The following DLGAP1 variants were observed in gnomAD, a reference collection of about 807,000 sequenced individuals.
DLGAP1 encodes DLG associated protein 1.
DLGAP1 carries 11 observed loss-of-function variants against 90.8 expected under a neutral mutation model. The observed-to-expected ratio is 0.12, with a 90% confidence interval of 0.08 to 0.20. The LOEUF (loss-of-function observed/expected upper bound fraction) is 0.20, where lower values mean the gene tolerates loss of function less well. Ranked by LOEUF, DLGAP1 falls within the 10% of genes least tolerant of loss-of-function variation. The pLI is 1.00. For synonymous variants in DLGAP1, 558 were observed against 540.7 expected, an observed-to-expected ratio of 1.03 and a Z score of -0.44; for missense variants, 1,050 against 1,333.8, an observed-to-expected ratio of 0.79 and a Z score of 3.31.
intron 6 of DLGAP1, among the ~76,000 whole-genome samples, chr18:3,733,383 G>A (rs74718854): frequency 0.076 from 11,497 of 152,152 alleles, 1,341 homozygotes; most frequent in African/African-American, 0.25. Context: ...TGAATTTTGA[G>A]TTTAGATCTT....
chr18:4,324,329 C>A (rs1349720280), intron 1 of DLGAP1, among the ~76,000 whole-genome samples: 2 of 150,522 alleles, frequency 1.3e-5, no homozygotes, highest in Admixed American at 6.7e-5. Flanking sequence ...AAAATTGAAT[C>A]CTTGAATAGA....
At chr18:4,148,779 T>C (rs984403719) in intron 2 of DLGAP1, among the ~76,000 whole-genome samples, 3 of 66,774 alleles carry the variant, frequency 4.5e-5, no homozygotes, top group Non-Finnish European at 7.6e-5. Context: ...TAAATGTTTG[T>C]TGTTGTCTGT....
intron 2 of DLGAP1, among the ~76,000 whole-genome samples, chr18:4,014,274 C>T (rs1306760053): frequency 2.6e-5 from 4 of 151,908 alleles, no homozygotes; most frequent in Non-Finnish European, 4.4e-5. Context: ...TTAGTAGAGA[C>T]GGGGTTTCAC....
chr18:3,701,094 T>C (rs1343586586), intron 7 of DLGAP1, among the ~76,000 whole-genome samples: 2 of 152,110 alleles, frequency 1.3e-5, no homozygotes, highest in African/African-American at 2.4e-5. Context: ...TTACCCAGGC[T>C]GGTCTTGAAT....
intron 7 of DLGAP1, among the ~76,000 whole-genome samples, chr18:3,696,444 A>T (rs1304481687): frequency 6.6e-6 from 1 of 152,198 alleles, no homozygotes; most frequent in East Asian, 1.9e-4. Flanking sequence ...TTCTGCATCT[A>T]TTGAAATAAT....
At position 3,879,946 on chromosome 18, in the gene DLGAP1, G is replaced by A. The variant is rs769028983; in HGVS notation, c.123C>T (p.Pro41=). 1.7e-5 allele frequency: 28 copies of A among 1,611,896 alleles called. No individual in the cohort carries two copies. Among genetic ancestry groups the A allele is most frequent in the African/African-American group, 4.0e-5 (3 of 74,610 alleles). Residue 41 remains proline (P), a synonymous_variant, in exon 4 of 13, where the codon CCC becomes CCT. Transcript: ENST00000315677. This position sits in a 1 kb window ranked among gnomAD's most constrained non-coding sequence, Gnocchi z 6.6. ...GCTGGGTGTAGTATGGGTGGTCTGCGGGGTGGTGCTCCACTGGGCTCAGCA... is the reference window on the plus strand; with the variant it reads ...GCTGGGTGTAGTATGGGTGGTCTGCAGGGTGGTGCTCCACTGGGCTCAGCA... The part of the protein sequence containing the change: ...PYLLSPVEHH[P]ADHPYYTQRN...
chr18:4,181,396 TC>T (rs2077205025), intron 1 of DLGAP1, among the ~76,000 whole-genome samples: 1 of 152,138 alleles, frequency 6.6e-6, no homozygotes, highest in Admixed American at 6.6e-5. Context: ...ACAAACCGAA[TC>T]CAACTGCTAC....
chr18:3,583,750 C>T (rs2055710479), intron 7 of DLGAP1, among the ~76,000 whole-genome samples: 2 of 152,098 alleles, frequency 1.3e-5, no homozygotes, highest in Non-Finnish European at 2.9e-5. Flanking sequence ...GAGTTTGAGA[C>T]GAGCCTGGTC....
intron 2 of DLGAP1, among the ~76,000 whole-genome samples, chr18:4,072,173 TCTATGTTTTTCTGAAGA>T (rs2075457138): frequency 6.6e-6 from 1 of 151,946 alleles, no homozygotes; most frequent in Non-Finnish European, 1.5e-5. Context: ...AAACTTGGAG[TCTATGTTTTTCTGAAGA>T]CTTTCTCTTA....
At chr18:4,018,398 G>A (rs937139902) in intron 2 of DLGAP1, among the ~76,000 whole-genome samples, 6 of 152,250 alleles carry the variant, frequency 3.9e-5, no homozygotes, top group African/African-American at 1.2e-4. Flanking sequence ...GACCTCGTGT[G>A]AGGCAGCTCC....
chr18:3,605,781 T>C (rs1472760947), intron 7 of DLGAP1, among the ~76,000 whole-genome samples: 2 of 152,062 alleles, frequency 1.3e-5, no homozygotes, highest in African/African-American at 4.8e-5. Context: ...TCCAGAGAGG[T>C]TAAGTGACTT....
intron 1 of DLGAP1, among the ~76,000 whole-genome samples, chr18:4,336,266 C>T (rs2081065802): frequency 6.6e-6 from 1 of 152,140 alleles, no homozygotes; most frequent in South Asian, 2.1e-4. Flanking sequence ...CCAGGTTGAC[C>T]AATCATATTA....
intron 2 of DLGAP1, among the ~76,000 whole-genome samples, chr18:4,019,171 A>C (rs1267627256): frequency 6.6e-6 from 1 of 152,180 alleles, no homozygotes. Flanking sequence ...GTGTCTGGGC[A>C]TGCTCATCTT....
At chr18:3,613,928 CTT>C (rs879925249) in intron 7 of DLGAP1, among the ~76,000 whole-genome samples, 1 of 146,488 alleles carries the variant, frequency 6.8e-6, no homozygotes. Context: ...ACAGTTGTTA[CTT>C]TTTTTTTTTT....
At chr18:4,229,697 A>G (rs1196587387) in intron 1 of DLGAP1, among the ~76,000 whole-genome samples, 2 of 152,064 alleles carry the variant, frequency 1.3e-5, no homozygotes, top group African/African-American at 4.8e-5. Context: ...CTTAAATCTA[A>G]GTCATCATAT....
chr18:4,299,085 CAAAAAAAAAAAAA>C (rs35327176), intron 1 of DLGAP1, among the ~76,000 whole-genome samples: 2 of 76,336 alleles, frequency 2.6e-5, no homozygotes, highest in Admixed American at 1.6e-4. Flanking sequence ...TGTCTCAAGA[CAAAAAAAAAAAAA>C]AAAAAAAAAA....
Position 3,742,504 on chromosome 18 carries a change from T to C in DLGAP1, c.1181A>G (p.Asn394Ser), listed in dbSNP as rs377244533. 5.3e-5 allele frequency: 86 copies of C among 1,614,006 alleles called. 1 individual carries two copies. The highest frequency in any genetic ancestry group is 2.8e-4 in the Admixed American group (17 of 59,992). ...GATCTGGAGTTTGGGTGAGTGTTCATTGGAGATTCTGGAAGGGAACAATGG... is the reference window on the plus strand; with the variant it reads ...GATCTGGAGTTTGGGTGAGTGTTCACTGGAGATTCTGGAAGGGAACAATGG... The part of the protein sequence containing the change: ...LTELTTLKIS[N>S]EHSPKLQIRS... Residue 394 changes from asparagine (N) to serine (S), a missense_variant, in exon 6 of 13, where the codon AAT becomes AGT. Around this residue, in one of 2 missense-constraint regions of DLGAP1, gnomAD observed 565 missense variants for 879.7 expected, o/e 0.64. Coordinates refer to ENST00000315677, the MANE Select transcript of DLGAP1 (RefSeq NM_004746.4).
chr18:4,371,938 G>A (rs2081925359), intron 1 of DLGAP1, among the ~76,000 whole-genome samples: 1 of 152,168 alleles, frequency 6.6e-6, no homozygotes, highest in Admixed American at 6.5e-5. Context: ...CTAAAGTAAT[G>A]TATCTCTCTG....
At chr18:3,648,005 T>C (rs185550607) in intron 7 of DLGAP1, among the ~76,000 whole-genome samples, 15 of 152,316 alleles carry the variant, frequency 9.8e-5, no homozygotes, top group Non-Finnish European at 1.3e-4. Flanking sequence ...AACAATGGGA[T>C]ATAGAAGGCT....
Sources: allele counts gnomAD v4.1 joint callset (sites outside exome capture counted in the v4.1 genomes callset), GRCh38; gene constraint gnomAD v4.1.1; regional missense constraint gnomAD v4.1.1; non-coding constraint Gnocchi (gnomAD v3.1); transcripts MANE v1.5; gene names NCBI Gene and HGNC (gene_info 2026-07-23, HGNC 2026-07-21).